Variants in LRRTM4 observed in about 807,000 individuals in gnomAD.
LRRTM4 encodes the protein leucine-rich repeat transmembrane neuronal protein 4.
Under a neutral mutation model 47.6 loss-of-function variants are expected in LRRTM4, and 25 were observed. The ratio of observed to expected loss-of-function variants is 0.53; its 90% CI spans 0.38 to 0.73. The LOEUF is 0.73. LRRTM4 is among the 30% of genes least tolerant of loss of function. The probability of loss-of-function intolerance (pLI) is 0.00; values close to 1 mark genes in which losing one functional copy is unlikely to be tolerated. For missense variants in LRRTM4, 638 were observed against 713.4 expected (o/e 0.89, Z 1.20); for synonymous variants, 311 against 269.5 (o/e 1.15, Z -1.51).
intron 3 of LRRTM4, among the ~76,000 whole-genome samples, chr2:77,448,408 T>C (rs970118265): frequency 3.3e-5 from 5 of 152,188 alleles, no homozygotes; most frequent in Non-Finnish European, 7.3e-5. Context: ...AATTATTCTT[T>C]TGCATACAAT....
At chr2:76,964,023 T>A (rs918502448) in intron 3 of LRRTM4, among the ~76,000 whole-genome samples, 1 of 150,980 alleles carries the variant, frequency 6.6e-6, no homozygotes, top group Non-Finnish European at 1.5e-5. Flanking sequence ...AGAAATATAT[T>A]ATCAAATTTT....
intron 3 of LRRTM4, among the ~76,000 whole-genome samples, chr2:76,790,198 G>A (rs1474292716): frequency 2.6e-5 from 4 of 152,156 alleles, no homozygotes; most frequent in Non-Finnish European, 5.9e-5. Flanking sequence ...CTACACTTCT[G>A]TTCTAGGACT....
intron 3 of LRRTM4, among the ~76,000 whole-genome samples, chr2:77,463,258 A>C (rs1179372271): frequency 6.6e-6 from 1 of 152,090 alleles, no homozygotes; most frequent in Non-Finnish European, 1.5e-5. Context: ...TAAAATTGCA[A>C]TATTATAATC....
chr2:76,817,620 A>C (rs2103846699), intron 3 of LRRTM4, among the ~76,000 whole-genome samples: 1 of 152,152 alleles, frequency 6.6e-6, no homozygotes, highest in Admixed American at 6.6e-5. Flanking sequence ...TGGCACCAGA[A>C]GTTCTGGGAG....
intron 3 of LRRTM4, among the ~76,000 whole-genome samples, chr2:77,344,692 G>A (rs191918934): frequency 6.6e-6 from 1 of 151,670 alleles, no homozygotes. Flanking sequence ...AATTTAAGAA[G>A]CTCAGTGAAT....
At chr2:76,985,191 T>TA (rs1409961568) in intron 3 of LRRTM4, among the ~76,000 whole-genome samples, 1 of 151,934 alleles carries the variant, frequency 6.6e-6, no homozygotes, top group East Asian at 1.9e-4. Context: ...GATTATTTTG[T>TA]AAAAAAACAT....
At chr2:76,857,172 G>A (rs540796391) in intron 3 of LRRTM4, among the ~76,000 whole-genome samples, 2 of 151,344 alleles carry the variant, frequency 1.3e-5, no homozygotes, top group African/African-American at 4.8e-5. Context: ...AACTCAACAT[G>A]AAGATAACAA....
intron 3 of LRRTM4, among the ~76,000 whole-genome samples, chr2:77,062,255 T>A (rs571434319): frequency 1.3e-5 from 2 of 152,232 alleles, no homozygotes; most frequent in African/African-American, 4.8e-5. Flanking sequence ...TCTACCAAAA[T>A]GGAAACATCA....
rs201525166 is a variant in LRRTM4, at chr2:76,816,819, G to GT, written c.1552-67904dup. Among the ~76,000 whole-genome samples the GT allele has an allele frequency of 9.5e-3, 917 of 96,128 alleles. 105 individuals are homozygous for GT. Among genetic ancestry groups the GT allele is most frequent in the Non-Finnish European group, 0.017 (659 of 39,628 alleles). The allele number at this position is 96,128 out of a possible 152,430, so 63.1% of individuals were successfully genotyped here. On this transcript the variant is annotated intron_variant, in intron 3 of 3. Transcript: ENST00000409884. The stretch of plus-strand genomic sequence containing the variant: ...CACTGCTTTTACTTAGAGGTAAAGA[G>GT]TTTTTTTTTTTTTTTTTTTTTTTTT...
At chr2:77,036,409 T>G (rs1678839020) in intron 3 of LRRTM4, among the ~76,000 whole-genome samples, 1 of 151,678 alleles carries the variant, frequency 6.6e-6, no homozygotes, top group Non-Finnish European at 1.5e-5. Context: ...TATTAATTTT[T>G]CTGGCAAACA....
At chr2:76,983,644 T>C (rs1263935441) in intron 3 of LRRTM4, among the ~76,000 whole-genome samples, 1 of 152,096 alleles carries the variant, frequency 6.6e-6, no homozygotes, top group Non-Finnish European at 1.5e-5. Flanking sequence ...AGCATGAGAA[T>C]AGACTTATAC....
intron 3 of LRRTM4, among the ~76,000 whole-genome samples, chr2:77,460,003 T>A (rs1676723049): frequency 6.6e-6 from 1 of 151,498 alleles, no homozygotes; most frequent in Non-Finnish European, 1.5e-5. Flanking sequence ...ATAAAAATGA[T>A]AATCTTCAAA....
intron 3 of LRRTM4, among the ~76,000 whole-genome samples, chr2:76,959,153 T>C (rs78787252): frequency 1.3e-5 from 2 of 151,714 alleles, no homozygotes; most frequent in Non-Finnish European, 2.9e-5. Context: ...TTAAATTTAA[T>C]GTCTTTTCGT....
At chr2:77,464,271 T>G (rs1160877394) in intron 3 of LRRTM4, among the ~76,000 whole-genome samples, 1 of 152,022 alleles carries the variant, frequency 6.6e-6, no homozygotes, top group Non-Finnish European at 1.5e-5. Flanking sequence ...CAAGTTTAGG[T>G]TGACAATGAA....
chr2:76,801,664 T>TA (rs770583956), intron 3 of LRRTM4, among the ~76,000 whole-genome samples: 1,507 of 145,682 alleles, frequency 0.01, 16 homozygotes, highest in African/African-American at 0.03. Context: ...TAAAGTATAA[T>TA]AAAAAAAAAA....
chr2:77,185,884 G>T (rs1315258828), intron 3 of LRRTM4, among the ~76,000 whole-genome samples: 1 of 152,040 alleles, frequency 6.6e-6, no homozygotes, highest in Admixed American at 6.6e-5. Context: ...TAACTTCAGT[G>T]GGCTCATCTG....
At chr2:76,881,980 C>G (rs1037205707) in intron 3 of LRRTM4, among the ~76,000 whole-genome samples, 2 of 152,090 alleles carry the variant, frequency 1.3e-5, no homozygotes, top group African/African-American at 2.4e-5. Flanking sequence ...TTCATTAAAT[C>G]CATATATATC....
intron 3 of LRRTM4, among the ~76,000 whole-genome samples, chr2:77,098,373 A>T (rs924300104): frequency 6.6e-6 from 1 of 152,044 alleles, no homozygotes; most frequent in African/African-American, 2.4e-5. Context: ...AGGCCTTAAT[A>T]TGTAACACAG....
chr2:76,807,927 CCTTTCCTTTCTTT>C lies in LRRTM4; in HGVS notation c.1552-59024_1552-59012del, dbSNP rs1358210756. Among the ~76,000 whole-genome samples the C allele has an allele frequency of 3.2e-3, 373 of 116,324 alleles. 2 individuals are homozygous for C. The highest frequency in any genetic ancestry group is 0.011 in the African/African-American group (357 of 32,938). The allele number at this position is 116,324 out of a possible 152,430, so 76.3% of individuals were successfully genotyped here. A position where few individuals can be genotyped will look rare whatever the true frequency, so the allele number is the denominator to read the frequency against. On this transcript the variant is annotated intron_variant, in intron 3 of 3. Coordinates refer to ENST00000409884, the MANE Select transcript of LRRTM4 (RefSeq NM_001134745.3). ...TTTCTTTCTTTTCTTTCCTTTCTTT[CCTTTCCTTTCTTT>C]CTTTCTTTCTTTCTTTTTCTTTTTC... is the stretch of plus-strand genomic sequence containing the variant.
Sources: gnomAD v4.1 joint callset for allele counts (sites outside exome capture counted in the v4.1 genomes callset) on GRCh38, gnomAD v4.1.1 for gene constraint, MANE v1.5 for transcripts, NCBI Gene and HGNC (gene_info 2026-07-23, HGNC 2026-07-21) for gene names.